The following LCOR variants were observed in gnomAD, a reference collection of about 807,000 sequenced individuals.
LCOR encodes ligand-dependent corepressor.
Under a neutral mutation model 64.4 loss-of-function variants are expected in LCOR, and 14 were observed. The observed-to-expected ratio is 0.22, with a 90% CI of 0.14 to 0.34. The LOEUF (loss-of-function observed/expected upper bound fraction) is 0.34, where lower values mean the gene tolerates loss of function less well. Among genes scored for constraint, LCOR ranks in the 10% least tolerant of loss-of-function variants. The pLI is 1.00. For missense variants in LCOR, 1,686 were observed against 1,765.3 expected (o/e 0.96, Z 0.80); for synonymous variants, 643 against 642.5 (o/e 1.00, Z -0.01).
intron 2 of LCOR, among the ~76,000 whole-genome samples, chr10:96,901,138 A>G (rs1031998377): frequency 1.3e-5 from 2 of 152,060 alleles, no homozygotes; most frequent in Admixed American, 1.3e-4. Context: ...GCAGTGAGCC[A>G]AGATCACGCC....
intron 7 of LCOR, among the ~76,000 whole-genome samples, chr10:96,976,574 T>C (rs2134558811): frequency 6.6e-6 from 1 of 152,346 alleles, no homozygotes; most frequent in East Asian, 1.9e-4. Flanking sequence ...TGGAAGACCT[T>C]ACATTAGTTA....
intron 2 of LCOR, among the ~76,000 whole-genome samples, chr10:96,865,870 G>T (rs1356669085): frequency 3.5e-5 from 4 of 113,892 alleles, no homozygotes; most frequent in Non-Finnish European, 6.5e-5. Flanking sequence ...GCGAGACTCT[G>T]TCTCAAAAAA....
At chr10:96,953,440 A>G (rs1260463316) in intron 7 of LCOR, among the ~76,000 whole-genome samples, 1 of 152,118 alleles carries the variant, frequency 6.6e-6, no homozygotes, top group Non-Finnish European at 1.5e-5. Context: ...TAGTCCAGCT[A>G]CTAAGGAGGC....
rs1328983320 is a variant in LCOR, at chr10:96,982,073, C to G, written c.1613C>G (p.Ala538Gly). The G allele has an allele frequency of 6.2e-7, 1 of 1,614,178 alleles. No individual in the cohort carries two copies. Among genetic ancestry groups the G allele is most frequent in the African/African-American group, 1.3e-5 (1 of 75,054 alleles). Residue 538 changes from alanine to glycine, a missense_variant, in exon 8 of 8, where the codon GCA becomes GGA. Ala to Gly is a moderately conservative substitution (Grantham distance 60, BLOSUM62 0). Around this residue, in one of 3 missense-constraint regions of LCOR, gnomAD observed 1,293 missense variants for 1,410.4 expected, o/e 0.92. Coordinates refer to ENST00000421806, the MANE Select transcript of LCOR (RefSeq NM_001346516.2). ...AGCTGCTCAGCATTGGCATCAGAGG[C>G]AGTTTTCACTCCTAAGCAGACCCTT... ...KASCSALASE[A>G]VFTPKQTLTI...
In LCOR at chr10:96,907,284, A is replaced by G. The variant is rs1846745728; in HGVS notation, c.-310A>G. On this transcript the variant is annotated 5_prime_UTR_variant, in exon 3 of 8. Coordinates refer to ENST00000421806, the MANE Select transcript of LCOR (RefSeq NM_001346516.2). ...TTTCAGGGTTTGAAAGTATTCTTGA[A>G]GGGCTGTTTGGACCTGCATTATTAA... The G allele has an allele frequency of 4.1e-6, 4 of 981,012 alleles. No homozygotes were observed. Among genetic ancestry groups the G allele is most frequent in the South Asian group, 4.7e-5 (1 of 21,200 alleles). 60.8% of individuals were successfully genotyped at this position (981,012 alleles called of 1,614,324 possible).
intron 2 of LCOR, among the ~76,000 whole-genome samples, chr10:96,842,803 G>A (rs544898408): frequency 6.6e-6 from 1 of 150,994 alleles, no homozygotes; most frequent in African/African-American, 2.4e-5. Flanking sequence ...ACTAGTTCTT[G>A]TTTTTTTTGG....
rs529668256 is a variant in LCOR, at chr10:96,879,780, G to A, written c.-329-27485G>A. The stretch of plus-strand genomic sequence containing the variant: ...GGGTTCAAGCTTTTCTCATGCCTCA[G>A]CCTCCTGAGTGTGCTAGGATTACAG... On this transcript the variant is annotated intron_variant, in intron 2 of 7. Transcript: ENST00000421806. Among the ~76,000 whole-genome samples, 4 of 152,244 alleles carry A rather than the reference G, an allele frequency of 2.6e-5. No homozygotes were observed. In the South Asian group the frequency reaches 6.2e-4, roughly 24 times the overall value.
intron 2 of LCOR, among the ~76,000 whole-genome samples, chr10:96,877,766 C>T (rs1589625550): frequency 6.6e-6 from 1 of 152,096 alleles, no homozygotes; most frequent in East Asian, 1.9e-4. Flanking sequence ...CGCCTGCCAC[C>T]ATGCCCAGCT....
intron 2 of LCOR, among the ~76,000 whole-genome samples, chr10:96,877,165 T>TA (rs1258646620): frequency 1.3e-5 from 2 of 151,928 alleles, no homozygotes; most frequent in Non-Finnish European, 2.9e-5. Context: ...TAAACTATCT[T>TA]AAAAAAATGG....
chr10:96,949,625 G>GT (rs2134523631), intron 6 of LCOR, among the ~76,000 whole-genome samples: 1 of 152,220 alleles, frequency 6.6e-6, no homozygotes, highest in African/African-American at 2.4e-5. Context: ...CTATGAAAAA[G>GT]TAAGTTTTCT....
chr10:96,954,235 A>G (rs191126671), intron 7 of LCOR, among the ~76,000 whole-genome samples: 5 of 152,268 alleles, frequency 3.3e-5, no homozygotes, highest in Admixed American at 3.3e-4. Context: ...ATCTGCAACT[A>G]GTAGTGTTTT....
At chr10:96,833,138 C>A (rs960041537) in intron 1 of LCOR, 1 of 985,238 alleles carries the variant, frequency 1.0e-6, no homozygotes, top group Admixed American at 6.1e-5. Context: ...TATTTGTGTT[C>A]GGTGTCGTGC....
chr10:96,894,177 C>T (rs1423730136), intron 2 of LCOR, among the ~76,000 whole-genome samples: 3 of 152,144 alleles, frequency 2.0e-5, no homozygotes, highest in Admixed American at 6.5e-5. Context: ...CTGCAACCTC[C>T]GCCTCCTGGG....
In LCOR at chr10:96,949,232, G is replaced by C; in HGVS notation, c.175G>C (p.Ala59Pro). 6.2e-7 allele frequency: 1 copy of C among 1,614,066 alleles called. No homozygotes were observed. Among genetic ancestry groups the C allele is most frequent in the Non-Finnish European group, 8.5e-7 (1 of 1,180,002 alleles). Residue 59 changes from alanine (A) to proline (P), a missense_variant, in exon 6 of 8, where the codon GCT becomes CCT. Transcript: ENST00000421806. ...CCCTGTGCTCAGCAAACTTCTCATG[G>C]CTGACCAAGACTCACCTCTGGACCT... ...QNPVLSKLLM[A>P]DQDSPLDLTV...
intron 2 of LCOR, among the ~76,000 whole-genome samples, chr10:96,906,062 A>T (rs1192826258): frequency 6.6e-6 from 1 of 152,134 alleles, no homozygotes; most frequent in African/African-American, 2.4e-5. Flanking sequence ...GATACATGTG[A>T]GGGGGCCTTA....
intron 4 of LCOR, among the ~76,000 whole-genome samples, chr10:96,911,093 C>CTTTTTTTT (rs71007308): frequency 1.8e-5 from 2 of 114,150 alleles, no homozygotes; most frequent in African/African-American, 3.6e-5. Context: ...TACATGTTCC[C>CTTTTTTTT]TTTTTTTTTT....
chr10:96,870,567 T>C (rs1487550523), intron 2 of LCOR, among the ~76,000 whole-genome samples: 1 of 152,188 alleles, frequency 6.6e-6, no homozygotes, highest in Non-Finnish European at 1.5e-5. Flanking sequence ...TTCAAGTCTT[T>C]TTAAAGTTTT....
intron 2 of LCOR, among the ~76,000 whole-genome samples, chr10:96,842,600 T>C (rs989429009): frequency 1.3e-5 from 2 of 151,940 alleles, no homozygotes; most frequent in Non-Finnish European, 2.9e-5. Flanking sequence ...ACAAAAATTT[T>C]CTAAAAAGCT....
chr10:96,834,392 A>G (rs1845404490), intron 2 of LCOR, among the ~76,000 whole-genome samples: 1 of 152,196 alleles, frequency 6.6e-6, no homozygotes, highest in African/African-American at 2.4e-5. Context: ...GGAAACAAAC[A>G]GCCTTTTGCC....
Sources: gnomAD v4.1 joint callset for allele counts (sites outside exome capture counted in the v4.1 genomes callset) on GRCh38, gnomAD v4.1.1 for gene constraint, gnomAD v4.1.1 regional missense constraint, MANE v1.5 for transcripts, NCBI Gene and HGNC (gene_info 2026-07-23, HGNC 2026-07-21) for gene names.